CHCHD6: variants seen among roughly 807,000 people sequenced by gnomAD.
CHCHD6 encodes coiled-coil-helix-coiled-coil-helix domain containing 6, also known as MICOS complex subunit MIC25.
Under a neutral mutation model 32.3 loss-of-function variants are expected in CHCHD6, and 28 were observed. That is an observed-to-expected ratio of 0.87 (90% confidence interval 0.64 to 1.19). CHCHD6 has a LOEUF of 1.19. CHCHD6 is among the 50% of genes most tolerant of loss of function. The probability of loss-of-function intolerance (pLI) is 0.00; values close to 1 mark genes in which losing one functional copy is unlikely to be tolerated. For synonymous variants in CHCHD6, 122 were observed against 117.5 expected (o/e 1.04, Z -0.25); for missense variants, 333 against 307.0 (o/e 1.08, Z -0.63).
chr3:126,798,346 TA>T (rs1938896842), intron 4 of CHCHD6, among the ~76,000 whole-genome samples: 1 of 152,196 alleles, frequency 6.6e-6, no homozygotes, highest in Non-Finnish European at 1.5e-5. Flanking sequence ...CTGGGCCTGC[TA>T]AAACCTCACT....
chr3:126,941,859 G>A (rs1559934735), intron 6 of CHCHD6, among the ~76,000 whole-genome samples: 1 of 152,236 alleles, frequency 6.6e-6, no homozygotes, highest in East Asian at 1.9e-4. Context: ...ACCTCACACT[G>A]CTGCCGATGA....
chr3:126,865,638 T>G lies in CHCHD6; in HGVS notation c.495+12908T>G, dbSNP rs1294282401. 8.1e-6 allele frequency: 8 copies of G among 984,846 alleles called. No individual in the cohort carries two copies. In the South Asian group the frequency reaches 1.9e-4, roughly 23 times the overall value. 61.0% of individuals were successfully genotyped at this position (984,846 alleles called of 1,614,324 possible). On this transcript the variant is annotated intron_variant, in intron 5 of 7. Coordinates refer to ENST00000290913, the MANE Select transcript of CHCHD6 (RefSeq NM_032343.3). Reference sequence around the variant, plus strand: ...CACCATTTTGATTGCTGCTGCCCCCTCTCCCACCGCTACTACTATTATCAC... The same window carrying G: ...CACCATTTTGATTGCTGCTGCCCCCGCTCCCACCGCTACTACTATTATCAC...
In CHCHD6 at chr3:126,725,134, C is replaced by G. The variant is rs2107655926; in HGVS notation, c.88-1944C>G. Among the ~76,000 whole-genome samples, 2 of 152,298 alleles carry G rather than the reference C, an allele frequency of 1.3e-5. 1 individual carries two copies. Among genetic ancestry groups the G allele is most frequent in the South Asian group, 4.1e-4 (2 of 4,824 alleles). ...TCCTTGGAGTTCTCAGTTTACTTTT[C>G]CCAGGTCCATCAGAGGAGTCACTAT... On this transcript the variant is annotated intron_variant, in intron 1 of 7. Transcript: ENST00000290913.
At chr3:126,893,306 A>G (rs909190337) in intron 5 of CHCHD6, among the ~76,000 whole-genome samples, 1 of 152,208 alleles carries the variant, frequency 6.6e-6, no homozygotes, top group Non-Finnish European at 1.5e-5. Context: ...TTTGAATAGA[A>G]CAGTAAATAA....
chr3:126,922,031 C>T (rs1379539964), intron 6 of CHCHD6, among the ~76,000 whole-genome samples: 5 of 152,142 alleles, frequency 3.3e-5, no homozygotes, highest in Admixed American at 1.3e-4. Flanking sequence ...CTTTGATGAC[C>T]TTTTAAAGGA....
chr3:126,813,333 A>G (rs976281888), intron 4 of CHCHD6, among the ~76,000 whole-genome samples: 2 of 152,234 alleles, frequency 1.3e-5, no homozygotes, highest in African/African-American at 2.4e-5. Context: ...TTCAAAATTA[A>G]TGTCAATAAA....
chr3:126,847,917 T>TAGAC (rs1559878615), intron 4 of CHCHD6, among the ~76,000 whole-genome samples: 1 of 152,126 alleles, frequency 6.6e-6, no homozygotes, highest in Non-Finnish European at 1.5e-5. Context: ...AAACAGCTGT[T>TAGAC]AGACACATTC....
chr3:126,780,173 C>T (rs1042463521), intron 4 of CHCHD6, among the ~76,000 whole-genome samples: 5 of 152,194 alleles, frequency 3.3e-5, no homozygotes, highest in Admixed American at 6.5e-5. Flanking sequence ...CTATCAGGCA[C>T]GTAAGCTTGG....
Position 126,797,820 on chromosome 3 carries a change from C to T in CHCHD6, c.412-54827C>T, listed in dbSNP as rs374834187. Among the ~76,000 whole-genome samples, 14 of 152,120 alleles carry T rather than the reference C, an allele frequency of 9.2e-5. 1 individual carries two copies. The highest frequency in any genetic ancestry group is 4.1e-4 in the South Asian group (2 of 4,820). On this transcript the variant is annotated intron_variant, in intron 4 of 7. Coordinates refer to ENST00000290913, the MANE Select transcript of CHCHD6 (RefSeq NM_032343.3). ...GGCTCCTGACCCAAGCTCTGCCACT[C>T]GGTGTGGTGTGGCACACCAAGCTCT...
intron 4 of CHCHD6, among the ~76,000 whole-genome samples, chr3:126,847,815 C>CCATCCTCT (rs1559878534): frequency 6.6e-6 from 1 of 152,076 alleles, no homozygotes; most frequent in African/African-American, 2.4e-5. Context: ...CGCCCACCTC[C>CCATCCTCT]CATCCTCTCA....
chr3:126,790,311 T>C (rs1332174040), intron 4 of CHCHD6, among the ~76,000 whole-genome samples: 1 of 152,154 alleles, frequency 6.6e-6, no homozygotes, highest in African/African-American at 2.4e-5. Flanking sequence ...TTGGAGTTGC[T>C]CTTCTCGAGG....
intron 5 of CHCHD6, among the ~76,000 whole-genome samples, chr3:126,914,079 G>A (rs1188327791): frequency 1.3e-5 from 2 of 152,190 alleles, no homozygotes; most frequent in Non-Finnish European, 2.9e-5. Flanking sequence ...GTTCCGATGA[G>A]TAGGGTGGTC....
At chr3:126,887,880 A>G (rs1005515542) in intron 5 of CHCHD6, among the ~76,000 whole-genome samples, 1 of 152,216 alleles carries the variant, frequency 6.6e-6, no homozygotes, top group Non-Finnish European at 1.5e-5. Context: ...AGAGTATGCT[A>G]GTTGCCAGCT....
chr3:126,732,724 CCA>C (rs1277328989), intron 3 of CHCHD6, among the ~76,000 whole-genome samples: 1 of 152,182 alleles, frequency 6.6e-6, no homozygotes, highest in Admixed American at 6.5e-5. Flanking sequence ...AGGACTACTA[CCA>C]TCTCAAATCT....
At chr3:126,807,736 A>G (rs183335181) in intron 4 of CHCHD6, among the ~76,000 whole-genome samples, 1 of 152,246 alleles carries the variant, frequency 6.6e-6, no homozygotes, top group South Asian at 2.1e-4. Flanking sequence ...AATATAAAGG[A>G]CAAGAACTGA....
intron 6 of CHCHD6, among the ~76,000 whole-genome samples, chr3:126,939,526 TGTG>T (rs972752743): frequency 1.1e-4 from 16 of 152,148 alleles, no homozygotes; most frequent in African/African-American, 3.9e-4. Flanking sequence ...CACCAGGAGA[TGTG>T]GGGGGACACA....
At chr3:126,865,434 C>A in intron 5 of CHCHD6, 1 of 331,458 alleles carries the variant, frequency 3.0e-6, no homozygotes, top group Non-Finnish European at 4.3e-6. Flanking sequence ...GCCACCTCTA[C>A]CCTCCACCAC....
chr3:126,727,806 C>T (rs1464543657), intron 2 of CHCHD6, among the ~76,000 whole-genome samples: 3 of 152,050 alleles, frequency 2.0e-5, no homozygotes, highest in African/African-American at 7.2e-5. Flanking sequence ...TTGTGCTTTC[C>T]CCAAATAACG....
chr3:126,896,040 C>T (rs1446383179), intron 5 of CHCHD6, among the ~76,000 whole-genome samples: 1 of 152,208 alleles, frequency 6.6e-6, no homozygotes, highest in Non-Finnish European at 1.5e-5. Flanking sequence ...GTTGCCTATT[C>T]ATTTGCCAGG....
Sources: allele counts gnomAD v4.1 joint callset (sites outside exome capture counted in the v4.1 genomes callset), GRCh38; gene constraint gnomAD v4.1.1; transcripts MANE v1.5; gene names NCBI Gene and HGNC (gene_info 2026-07-23, HGNC 2026-07-21).